LIN54: variants seen among roughly 807,000 people sequenced by gnomAD.
The protein encoded by LIN54 is lin-54 DREAM MuvB core complex component, also known as protein lin-54 homolog.
LIN54 carries 9 observed loss-of-function variants against 78.7 expected under a neutral mutation model. The ratio of observed to expected loss-of-function variants is 0.11; its 90% CI spans 0.07 to 0.20. The LOEUF is 0.20. Ranked by LOEUF, LIN54 falls within the 10% of genes least tolerant of loss-of-function variation. The pLI is 1.00. For synonymous variants in LIN54, 269 were observed against 318.4 expected (o/e 0.84, Z 1.65); for missense variants, 573 against 889.9 (o/e 0.64, Z 4.53).
intron 1 of LIN54, among the ~76,000 whole-genome samples, chr4:82,990,925 T>C (rs951900207): frequency 3.3e-5 from 5 of 152,178 alleles, no homozygotes; most frequent in Non-Finnish European, 5.9e-5. Flanking sequence ...CTGTTTGCTA[T>C]ACACATATCC....
intron 3 of LIN54, among the ~76,000 whole-genome samples, chr4:82,978,129 A>T (rs1337924601): frequency 6.6e-6 from 1 of 152,260 alleles, no homozygotes; most frequent in East Asian, 1.9e-4. Context: ...GGGAGTAGAA[A>T]GGCAAGTAAA....
chr4:82,997,748 T>C (rs1295643513), intron 1 of LIN54, among the ~76,000 whole-genome samples: 1 of 151,900 alleles, frequency 6.6e-6, no homozygotes, highest in African/African-American at 2.4e-5. Context: ...ATCCCAGCAC[T>C]TTGGGAGGCC....
At chr4:83,002,734 A>G (rs1487790784) in intron 1 of LIN54, among the ~76,000 whole-genome samples, 2 of 152,206 alleles carry the variant, frequency 1.3e-5, no homozygotes, top group African/African-American at 4.8e-5. Context: ...GGTTTTTGTA[A>G]TAACATTTTT....
chr4:82,947,207 T>TTATATATATATATATATA (rs1207992875), intron 4 of LIN54, among the ~76,000 whole-genome samples: 3 of 76,222 alleles, frequency 3.9e-5, no homozygotes, highest in Admixed American at 2.3e-4. Context: ...AAAAAAAAAT[T>TTATATATATATATATATA]TATATATATA....
intron 11 of LIN54, among the ~76,000 whole-genome samples, chr4:82,934,715 A>G (rs1173968374): frequency 6.6e-6 from 1 of 152,160 alleles, no homozygotes; most frequent in Non-Finnish European, 1.5e-5. Flanking sequence ...AAATAAATAA[A>G]CTAATTAATT....
chr4:82,947,235 A>ATTTTTTTTTTTTTTTTT (rs34511957), intron 4 of LIN54, among the ~76,000 whole-genome samples: 1 of 44,290 alleles, frequency 2.3e-5, no homozygotes, highest in African/African-American at 1.0e-4. Context: ...ATATATATAT[A>ATTTTTTTTTTTTTTTTT]TTTTTTTTTT....
At chr4:83,003,158 C>T (rs892623117) in intron 1 of LIN54, among the ~76,000 whole-genome samples, 2 of 152,006 alleles carry the variant, frequency 1.3e-5, no homozygotes, top group African/African-American at 2.4e-5. Flanking sequence ...GGATTACAGA[C>T]GTGTGCCACC....
At chr4:82,988,672 T>TGA (rs1282775556) in intron 1 of LIN54, among the ~76,000 whole-genome samples, 7 of 152,232 alleles carry the variant, frequency 4.6e-5, no homozygotes, top group African/African-American at 1.7e-4. Flanking sequence ...CAGCAATGTA[T>TGA]GAGAGTTCCA....
chr4:82,968,119 C>T (rs1458269562), intron 4 of LIN54, among the ~76,000 whole-genome samples: 3 of 151,736 alleles, frequency 2.0e-5, no homozygotes, highest in Non-Finnish European at 4.4e-5. Flanking sequence ...CTCAGCTCAC[C>T]GCGACCTCTA....
intron 1 of LIN54, among the ~76,000 whole-genome samples, chr4:83,004,533 AGG>A (rs1424039377): frequency 6.9e-6 from 1 of 144,002 alleles, no homozygotes; most frequent in Non-Finnish European, 1.6e-5. Context: ...CTCTGTCGTC[AGG>A]CTAGAGTGCA....
At position 82,998,388 on chromosome 4, in the gene LIN54, C is replaced by T. The variant is rs534141523; in HGVS notation, c.-33+12096G>A. 2.0e-5 allele frequency among the ~76,000 whole-genome samples: 3 copies of T among 151,722 alleles called. No individual in the cohort carries two copies. In the South Asian group the frequency reaches 6.3e-4, roughly 32 times the overall value. On this transcript the variant is annotated intron_variant, in intron 1 of 12. Transcript: ENST00000340417. The stretch of plus-strand genomic sequence containing the variant: ...TGAAACCCCGTCTCTACTAAAACTA[C>T]AAAAATTAGCCGGGCATGGTGCTAC...
chr4:83,004,683 G>A (rs1729191104), intron 1 of LIN54, among the ~76,000 whole-genome samples: 1 of 152,020 alleles, frequency 6.6e-6, no homozygotes, highest in Non-Finnish European at 1.5e-5. Flanking sequence ...ATTTGTTGTA[G>A]AGACAAGGTC....
At chr4:82,951,270 G>C (rs942792606) in intron 4 of LIN54, among the ~76,000 whole-genome samples, 1 of 152,156 alleles carries the variant, frequency 6.6e-6, no homozygotes, top group Non-Finnish European at 1.5e-5. Flanking sequence ...CTGATGTATT[G>C]ACTGGTGAAA....
At chr4:82,976,392 A>G (rs986462224) in intron 3 of LIN54, among the ~76,000 whole-genome samples, 14 of 152,162 alleles carry the variant, frequency 9.2e-5, no homozygotes, top group African/African-American at 3.1e-4. Context: ...CAAAAAAAAA[A>G]AAAAAATCTC....
In LIN54 at chr4:82,935,971, A is replaced by C. The variant is rs1722366598; in HGVS notation, c.1845+10T>G. On this transcript the variant is annotated intron_variant, in intron 11 of 12. Transcript: ENST00000340417. ...TTAAAAGATATTATTTTCCGCACCC[A>C]GCATCTCACCTCATAGCATTCACAG... is the stretch of plus-strand genomic sequence containing the variant. 5.0e-6 allele frequency: 8 copies of C among 1,613,446 alleles called. No homozygotes were observed. In the East Asian group the frequency reaches 1.8e-4, roughly 36 times the overall value.
At chr4:83,004,715 TC>T (rs1164584405) in intron 1 of LIN54, among the ~76,000 whole-genome samples, 1 of 151,784 alleles carries the variant, frequency 6.6e-6, no homozygotes, top group Non-Finnish European at 1.5e-5. Context: ...CCCAGGCTGG[TC>T]TTGCACTCGT....
chr4:82,932,965 A>G, intron 11 of LIN54, among the ~76,000 whole-genome samples: 1 of 152,110 alleles, frequency 6.6e-6, no homozygotes, highest in African/African-American at 2.4e-5. Flanking sequence ...ACCCATGTCT[A>G]TATAAATAAA....
chr4:82,964,063 T>A (rs1348513336), intron 4 of LIN54, among the ~76,000 whole-genome samples: 1 of 152,106 alleles, frequency 6.6e-6, no homozygotes, highest in Non-Finnish European at 1.5e-5. Flanking sequence ...CTCCTTTTTT[T>A]TTTTTGAGAC....
intron 12 of LIN54, 82 bp from the exon 13 acceptor site, chr4:82,928,385 TCTA>T: frequency 9.5e-7 from 1 of 1,056,570 alleles, no homozygotes; most frequent in Non-Finnish European, 1.4e-6. Context: ...TCTGGAAATC[TCTA>T]CTGACACTTT....
Sources: gnomAD v4.1 joint callset for allele counts (sites outside exome capture counted in the v4.1 genomes callset) on GRCh38, gnomAD v4.1.1 for gene constraint, MANE v1.5 for transcripts, NCBI Gene and HGNC (gene_info 2026-07-23, HGNC 2026-07-21) for gene names.